Variants in STAMBPL1 observed in about 807,000 individuals in gnomAD.
STAMBPL1 encodes STAM binding protein like 1, also known as AMSH-like protease.
A neutral mutation model predicts 52.9 loss-of-function variants in STAMBPL1; 44 were observed. The ratio of observed to expected loss-of-function variants is 0.83; its 90% CI spans 0.65 to 1.07. The LOEUF (loss-of-function observed/expected upper bound fraction) is 1.07. Among genes scored for constraint, STAMBPL1 ranks in the 50% least tolerant of loss-of-function variants. STAMBPL1 has a pLI of 0.00. For synonymous variants in STAMBPL1, 164 were observed against 177.3 expected (o/e 0.92, Z 0.60); for missense variants, 511 against 520.8 (o/e 0.98, Z 0.18).
chr10:88,901,350 A>C (rs1844938266), intron 1 of STAMBPL1: 1 of 173,544 alleles, frequency 5.8e-6, no homozygotes, highest in Non-Finnish European at 1.2e-5. Context: ...TGAAGAAAGC[A>C]AACCTACTTT....
chr10:88,899,495 G>T (rs1844891092), intron 1 of STAMBPL1, among the ~76,000 whole-genome samples: 1 of 152,116 alleles, frequency 6.6e-6, no homozygotes, highest in Non-Finnish European at 1.5e-5. Context: ...ATCATCAAAA[G>T]AAATAATTCT....
At chr10:88,912,569 G>C (rs1845253938) in intron 5 of STAMBPL1, 1 of 93,564 alleles carries the variant, frequency 1.1e-5, no homozygotes, top group Non-Finnish European at 2.1e-5. Flanking sequence ...CTGTTCAATA[G>C]AACTCCTGTG....
intron 1 of STAMBPL1, among the ~76,000 whole-genome samples, chr10:88,890,654 T>C (rs1186170354): frequency 6.6e-6 from 1 of 152,254 alleles, no homozygotes; most frequent in African/African-American, 2.4e-5. Context: ...AAAGAGACAA[T>C]TCTTCACCTC....
At chr10:88,888,278 C>T (rs1292974253) in intron 1 of STAMBPL1, among the ~76,000 whole-genome samples, 2 of 152,118 alleles carry the variant, frequency 1.3e-5, no homozygotes, top group Non-Finnish European at 2.9e-5. Flanking sequence ...AGGGTTTAGA[C>T]CTCTTCTGGC....
chr10:88,912,634 T>C, intron 5 of STAMBPL1: 1 of 157,524 alleles, frequency 6.3e-6, no homozygotes, highest in Non-Finnish European at 1.4e-5. Flanking sequence ...TAGCCACATG[T>C]GGCTTCTGGG....
chr10:88,905,753 A>G (rs1190946581), intron 3 of STAMBPL1, 93 bp downstream of exon 3: 2 of 986,510 alleles, frequency 2.0e-6, no homozygotes, highest in East Asian at 5.2e-5. Context: ...TAATGTTTTC[A>G]TATTCAGACC....
chr10:88,902,412 C>T (rs1844965400), intron 2 of STAMBPL1, among the ~76,000 whole-genome samples: 1 of 152,044 alleles, frequency 6.6e-6, no homozygotes, highest in East Asian at 1.9e-4. Flanking sequence ...TCCCATTTTC[C>T]TCCTCTTGAT....
intron 1 of STAMBPL1, among the ~76,000 whole-genome samples, chr10:88,886,844 CT>C (rs1306297056): frequency 2.6e-5 from 4 of 152,114 alleles, no homozygotes; most frequent in Non-Finnish European, 5.9e-5. Flanking sequence ...AGCTATGCAC[CT>C]TTAATTAAAA....
At chr10:88,900,826 G>A (rs1056918481) in intron 1 of STAMBPL1, among the ~76,000 whole-genome samples, 2 of 152,204 alleles carry the variant, frequency 1.3e-5, no homozygotes, top group African/African-American at 4.8e-5. Context: ...GGTCTCACAA[G>A]GCAGCAATTG....
intron 8 of STAMBPL1, among the ~76,000 whole-genome samples, chr10:88,920,599 G>T (rs1272231418): frequency 6.6e-6 from 1 of 152,086 alleles, no homozygotes; most frequent in African/African-American, 2.4e-5. Context: ...ATGAACCTCC[G>T]ATTGGCCATG....
intron 1 of STAMBPL1, among the ~76,000 whole-genome samples, chr10:88,886,673 A>G (rs1368675226): frequency 1.3e-5 from 2 of 152,196 alleles, no homozygotes; most frequent in Non-Finnish European, 2.9e-5. Context: ...CTCTGGGTTA[A>G]TTTAGAAACA....
At chr10:88,897,265 T>G (rs1356980324) in intron 1 of STAMBPL1, among the ~76,000 whole-genome samples, 2 of 152,180 alleles carry the variant, frequency 1.3e-5, no homozygotes. Context: ...GCTGAATCTC[T>G]GGGACAGGGG....
chr10:88,923,228 G>A lies in STAMBPL1; in HGVS notation c.*4G>A, dbSNP rs200476724. ...AATTGTGTTGGATCTGAGGTGATAT[G>A]TTCTGAATGTAAGCACCGTCAACAT... On this transcript the variant is annotated 3_prime_UTR_variant, in exon 11 of 11. Coordinates refer to ENST00000371926, the MANE Select transcript of STAMBPL1 (RefSeq NM_020799.4). The A allele has an allele frequency of 6.3e-6, 10 of 1,599,834 alleles. No individual in the cohort carries two copies. The Admixed American group carries it at 1.3e-4, about 20-fold the overall frequency.
intron 1 of STAMBPL1, among the ~76,000 whole-genome samples, chr10:88,887,323 A>G (rs916690127): frequency 7.2e-5 from 11 of 152,206 alleles, no homozygotes; most frequent in African/African-American, 2.7e-4. Context: ...GAAAAATTTA[A>G]TAAATTAAAA....
chr10:88,921,213 C>A, intron 8 of STAMBPL1, 70 bp from the exon 9 acceptor site: 1 of 1,203,212 alleles, frequency 8.3e-7, no homozygotes, highest in Non-Finnish European at 1.2e-6. Flanking sequence ...ACAGAGTTTT[C>A]TATTAAAATA....
At chr10:88,922,207 T>C (rs1845530199) in intron 9 of STAMBPL1, 130 bp from the exon 10 acceptor site, 1 of 863,394 alleles carries the variant, frequency 1.2e-6, no homozygotes, top group Non-Finnish European at 1.8e-6. Flanking sequence ...AAAAAATCAC[T>C]ATGGAATTCC....
At chr10:88,911,112 A>G (rs955691897) in intron 5 of STAMBPL1, 101 bp downstream of exon 5, 3 of 752,348 alleles carry the variant, frequency 4.0e-6, no homozygotes, top group Non-Finnish European at 6.0e-6. Flanking sequence ...TTGTGCATTT[A>G]AATTAAAAAT....
intron 2 of STAMBPL1, among the ~76,000 whole-genome samples, chr10:88,904,106 GA>G (rs1033313183): frequency 1.3e-5 from 2 of 152,188 alleles, no homozygotes; most frequent in Admixed American, 1.3e-4. Flanking sequence ...AGACTTGAAT[GA>G]AGTGCTCCAC....
chr10:88,894,872 A>G (rs948313574), intron 1 of STAMBPL1, among the ~76,000 whole-genome samples: 1 of 152,216 alleles, frequency 6.6e-6, no homozygotes, highest in Admixed American at 6.5e-5. Context: ...ATTATTTACT[A>G]TTTTACTATT....
Sources: gnomAD v4.1 joint callset for allele counts (sites outside exome capture counted in the v4.1 genomes callset) on GRCh38, gnomAD v4.1.1 for gene constraint, MANE v1.5 for transcripts, NCBI Gene and HGNC (gene_info 2026-07-23, HGNC 2026-07-21) for gene names.